The following INSYN2A variants were observed in gnomAD, a reference collection of about 807,000 sequenced individuals.
INSYN2A encodes family with sequence similarity 196 member A.
Under a neutral mutation model 39.4 loss-of-function variants are expected in INSYN2A, and 17 were observed. That is an observed-to-expected ratio of 0.43 (90% CI 0.30 to 0.65). The LOEUF is 0.65. INSYN2A is among the 30% of genes least tolerant of loss of function. The pLI is 0.14. For missense variants in INSYN2A, 595 were observed against 631.2 expected, an observed-to-expected ratio of 0.94 and a Z score of 0.61; for synonymous variants, 255 against 265.7, an observed-to-expected ratio of 0.96 and a Z score of 0.39.
Position 127,176,064 on chromosome 10 carries a change from A to G in INSYN2A, c.332T>C (p.Leu111Pro). Residue 111 changes from leucine (L) to proline (P), a missense_variant, in exon 4 of 6, where the codon CTT becomes CCT. Transcript: ENST00000522781. The surrounding 1 kb of genome is among the most constrained non-coding windows in gnomAD (Gnocchi z 4.4). The part of the protein sequence containing the change: ...KSTGVQTSPD[L>P]KKCYQTFPLD... ...AGGGAACGTCTGGTAACACTTCTTA[A>G]GGTCGGGCGAGGTCTGCACGCCTGT... 6.2e-7 allele frequency: 1 copy of G among 1,613,896 alleles called. No homozygotes were observed. Among genetic ancestry groups the G allele is most frequent in the Non-Finnish European group, 8.5e-7 (1 of 1,179,990 alleles).
At chr10:127,177,917 A>G (rs1353891632) in intron 2 of INSYN2A, among the ~76,000 whole-genome samples, 1 of 152,220 alleles carries the variant, frequency 6.6e-6, no homozygotes, top group Non-Finnish European at 1.5e-5. Context: ...TTTCGGTGTC[A>G]CACAGGAAAT....
intron 5 of INSYN2A, among the ~76,000 whole-genome samples, chr10:127,153,463 C>G (rs1174046479): frequency 1.3e-5 from 2 of 152,202 alleles, no homozygotes; most frequent in Non-Finnish European, 2.9e-5. Flanking sequence ...CAGCCCAGGT[C>G]TTTCCATGGT....
chr10:127,182,933 C>A (rs1288313759), intron 2 of INSYN2A, among the ~76,000 whole-genome samples: 1 of 152,102 alleles, frequency 6.6e-6, no homozygotes, highest in Admixed American at 6.6e-5. Flanking sequence ...TGGGGCCCAT[C>A]AGAGGCGGGA....
chr10:127,173,496 T>C (rs988589073), intron 4 of INSYN2A, among the ~76,000 whole-genome samples: 3 of 152,202 alleles, frequency 2.0e-5, no homozygotes, highest in Admixed American at 1.3e-4. Flanking sequence ...CTTGTGTTCG[T>C]GGGTGTTCAG....
rs564219228 is a variant in INSYN2A, at chr10:127,159,920, C to T, written c.1185-5997G>A. ...GCTGGACGGCATCTGCTCTTTCATG[C>T]TGACACCACAGGGAGATCTAAGTCA... On this transcript the variant is annotated intron_variant, in intron 4 of 5. Transcript: ENST00000522781. 2.3e-3 allele frequency among the ~76,000 whole-genome samples: 348 copies of T among 152,232 alleles called. 1 individual carries two copies. Among genetic ancestry groups the T allele is most frequent in the Admixed American group, 5.3e-3 (81 of 15,298 alleles).
intron 2 of INSYN2A, among the ~76,000 whole-genome samples, chr10:127,187,541 G>T (rs1471993351): frequency 2.0e-5 from 3 of 152,096 alleles, no homozygotes; most frequent in Admixed American, 2.0e-4. Flanking sequence ...TTTTGTTTTT[G>T]TGTGTGGGTT....
Position 127,137,738 on chromosome 10 carries a change from G to T in INSYN2A, c.*99C>A. Reference sequence around the variant, plus strand: ...GCGAGAAGTGGGAGGTGCCTGAATGGGCACCACAGTTCCCTCGATCCTATT... The same window carrying T: ...GCGAGAAGTGGGAGGTGCCTGAATGTGCACCACAGTTCCCTCGATCCTATT... On this transcript the variant is annotated 3_prime_UTR_variant, in exon 6 of 6. Coordinates refer to ENST00000522781, the MANE Select transcript of INSYN2A (RefSeq NM_001039762.3). 8.7e-7 allele frequency: 1 copy of T among 1,144,442 alleles called. No individual in the cohort carries two copies. Among genetic ancestry groups the T allele is most frequent in the Non-Finnish European group, 1.2e-6 (1 of 810,844 alleles). 70.9% of individuals were successfully genotyped at this position (1,144,442 alleles called of 1,614,324 possible). A position where few individuals can be genotyped will look rare whatever the true frequency, so the allele number is the denominator to read the frequency against.
rs977355583 is a variant in INSYN2A, at chr10:127,176,069, G to A, written c.327C>T (p.Pro109=). Residue 109 remains proline, a synonymous_variant, in exon 4 of 6, where the codon CCC becomes CCT. Transcript: ENST00000522781. This position sits in a 1 kb window ranked among gnomAD's most constrained non-coding sequence, Gnocchi z 4.4. Reference sequence around the variant, plus strand: ...ACGTCTGGTAACACTTCTTAAGGTCGGGCGAGGTCTGCACGCCTGTGCTCT... The same window carrying A: ...ACGTCTGGTAACACTTCTTAAGGTCAGGCGAGGTCTGCACGCCTGTGCTCT... ...VTKSTGVQTS[P]DLKKCYQTFP... 3.1e-6 allele frequency: 5 copies of A among 1,614,074 alleles called. No homozygotes were observed. In the South Asian group the frequency reaches 3.3e-5, roughly 11 times the overall value.
At chr10:127,146,221 G>C (rs1427732194) in intron 5 of INSYN2A, 1 of 263,584 alleles carries the variant, frequency 3.8e-6, no homozygotes, top group Non-Finnish European at 7.5e-6. Context: ...CAAAGGCTGG[G>C]ACTATCAGTA....
intron 4 of INSYN2A, among the ~76,000 whole-genome samples, chr10:127,156,467 G>T (rs1479607848): frequency 4.0e-5 from 6 of 151,812 alleles, no homozygotes; most frequent in African/African-American, 1.5e-4. Context: ...CCAGGACCTT[G>T]GAGTACTTCA....
intron 5 of INSYN2A, among the ~76,000 whole-genome samples, chr10:127,141,427 G>C (rs2133290576): frequency 6.6e-6 from 1 of 152,250 alleles, no homozygotes; most frequent in South Asian, 2.1e-4. Flanking sequence ...TTCTGGCCAG[G>C]CACGGTGGCT....
chr10:127,174,684 AAC>A (rs1186455788), intron 4 of INSYN2A, among the ~76,000 whole-genome samples: 1 of 152,174 alleles, frequency 6.6e-6, no homozygotes, highest in African/African-American at 2.4e-5. Context: ...CAGAATGGAA[AAC>A]ACACTGTCTA....
intron 5 of INSYN2A, among the ~76,000 whole-genome samples, chr10:127,147,768 C>T (rs2052034892): frequency 1.3e-5 from 2 of 151,566 alleles, no homozygotes; most frequent in South Asian, 4.2e-4. Flanking sequence ...CACGGTGGCT[C>T]ATGCCTGTAA....
At chr10:127,140,372 C>T (rs11595689) in intron 5 of INSYN2A, among the ~76,000 whole-genome samples, 43,781 of 152,004 alleles carry the variant, frequency 0.29, 6,622 homozygotes, top group African/African-American at 0.36. Context: ...AGGCAGGTTC[C>T]TTGGTAGAGG....
chr10:127,192,487 G>A (rs2056826791), intron 2 of INSYN2A, 118 bp downstream of exon 2: 2 of 152,176 alleles, frequency 1.3e-5, no homozygotes, highest in South Asian at 4.1e-4. Flanking sequence ...TTCAGGTAGT[G>A]ATTTGTCATC....
intron 4 of INSYN2A, among the ~76,000 whole-genome samples, chr10:127,156,864 G>C (rs948847347): frequency 1.3e-5 from 2 of 152,086 alleles, no homozygotes; most frequent in South Asian, 4.1e-4. Flanking sequence ...CACCATGCCT[G>C]GCCCGAGATA....
chr10:127,167,098 C>T (rs2054150411), intron 4 of INSYN2A, among the ~76,000 whole-genome samples: 1 of 151,612 alleles, frequency 6.6e-6, no homozygotes, highest in Non-Finnish European at 1.5e-5. Context: ...GATGGAAAGC[C>T]TTATTATTTT....
intron 1 of INSYN2A, among the ~76,000 whole-genome samples, chr10:127,195,335 G>A (rs1367494998): frequency 2.6e-5 from 4 of 152,094 alleles, no homozygotes; most frequent in Non-Finnish European, 4.4e-5. Flanking sequence ...GGTTTCCCAC[G>A]CCTGTCCCGG....
rs780666441 is a variant in INSYN2A, at chr10:127,175,564, G to A, written c.832C>T (p.Gln278Ter). ...PGLSDSAAAS[Q>*]WSLCPADDER... ...TCATCTGCCGGGCAGAGTGACCACT[G>A]GCTGGCGGCTGCAGAGTCTGACAAA... Residue 278 changes from glutamine to a stop codon, truncating the protein, a stop_gained, in exon 4 of 6, where the codon CAG (glutamine) becomes TAG (stop). Coordinates refer to ENST00000522781, the MANE Select transcript of INSYN2A (RefSeq NM_001039762.3). LOFTEE classifies it high-confidence loss of function. The surrounding 1 kb of genome is among the most constrained non-coding windows in gnomAD (Gnocchi z 6.3). The A allele has an allele frequency of 6.2e-7, 1 of 1,611,720 alleles. No homozygotes were observed. The highest frequency in any genetic ancestry group is 8.5e-7 in the Non-Finnish European group (1 of 1,179,916).
Sources: gnomAD v4.1 joint callset for allele counts (sites outside exome capture counted in the v4.1 genomes callset) on GRCh38, gnomAD v4.1.1 for gene constraint, Gnocchi (gnomAD v3.1) non-coding constraint, MANE v1.5 for transcripts, NCBI Gene and HGNC (gene_info 2026-07-23, HGNC 2026-07-21) for gene names.